DOCK3: variants seen among roughly 807,000 people sequenced by gnomAD.
DOCK3 encodes the protein dedicator of cytokinesis protein 3.
In DOCK3, 60 loss-of-function variants were observed where a neutral mutation model predicts 265.6. The observed-to-expected ratio is 0.23, with a 90% CI of 0.18 to 0.28. The LOEUF (loss-of-function observed/expected upper bound fraction) is 0.28. Among genes scored for constraint, DOCK3 ranks in the 10% least tolerant of loss-of-function variants. The pLI is 1.00. For missense variants in DOCK3, 1,981 were observed against 2,594.3 expected (o/e 0.76, Z 5.14); for synonymous variants, 881 against 938.0 (o/e 0.94, Z 1.11).
chr3:50,807,694 T>C (rs2043513174), intron 2 of DOCK3, among the ~76,000 whole-genome samples: 1 of 152,234 alleles, frequency 6.6e-6, no homozygotes. Context: ...TGCAGTAGAA[T>C]CTGTAGAAAA....
intron 27 of DOCK3, among the ~76,000 whole-genome samples, chr3:51,300,243 G>A (rs561052299): frequency 1.6e-4 from 25 of 152,136 alleles, no homozygotes; most frequent in Middle Eastern, 3.4e-3. Flanking sequence ...TGATTTTTGC[G>A]CATTGATTTT....
intron 25 of DOCK3, chr3:51,276,319 C>CACCTAAG: frequency 1.0e-5 from 10 of 978,618 alleles, no homozygotes; most frequent in Non-Finnish European, 1.2e-5. Context: ...CTCAGAGAAG[C>CACCTAAG]CACACCAAGC....
rs912685653 is a variant in DOCK3 at position 51,121,303 on chromosome 3, C to T, written c.747-25246C>T. 1.2e-4 allele frequency among the ~76,000 whole-genome samples: 19 copies of T among 152,258 alleles called. No homozygotes were observed. The East Asian group carries it at 3.3e-3, about 26-fold the overall frequency. ...GGCGATGCCCCACTCTGCTTCTGCTCGCCCTCCATGGGCTACACCCACTGT... is the reference window on the plus strand; with the variant it reads ...GGCGATGCCCCACTCTGCTTCTGCTTGCCCTCCATGGGCTACACCCACTGT... On this transcript the variant is annotated intron_variant, in intron 9 of 52. Coordinates refer to ENST00000266037, the MANE Select transcript of DOCK3 (RefSeq NM_004947.5).
At position 51,237,561 on chromosome 3, in the gene DOCK3, G is replaced by A; in HGVS notation, c.2073G>A (p.Gln691=). ...GACCTGTGATGGACACGTATATCCA[G>A]AAGCACTTTGCTGGAGCTCTGGCAT... ...HFRPVMDTYI[Q]KHFAGALAYK... is the part of the protein sequence containing the mutation. Residue 691 remains glutamine (Q), a synonymous_variant, in exon 21 of 53, where the codon CAG becomes CAA. Coordinates refer to ENST00000266037, the MANE Select transcript of DOCK3 (RefSeq NM_004947.5). The A allele has an allele frequency of 6.2e-7, 1 of 1,613,614 alleles. No individual in the cohort carries two copies. The highest frequency in any genetic ancestry group is 8.5e-7 in the Non-Finnish European group (1 of 1,179,782).
chr3:51,179,328 A>G (rs2087146443), intron 12 of DOCK3, among the ~76,000 whole-genome samples: 1 of 152,248 alleles, frequency 6.6e-6, no homozygotes, highest in Admixed American at 6.5e-5. Context: ...TCATCCTAAT[A>G]TCAAAAAAGT....
At chr3:50,827,384 T>A (rs1446476502) in intron 2 of DOCK3, among the ~76,000 whole-genome samples, 1 of 152,174 alleles carries the variant, frequency 6.6e-6, no homozygotes, top group Non-Finnish European at 1.5e-5. Context: ...GGTTCATAGA[T>A]GGCTGTCTTT....
At chr3:51,351,738 C>T (rs1167621564) in intron 40 of DOCK3, among the ~76,000 whole-genome samples, 1 of 149,934 alleles carries the variant, frequency 6.7e-6, no homozygotes, top group South Asian at 2.1e-4. Context: ...CTCACCGCAA[C>T]CTCCACCTCC....
chr3:50,784,984 C>G (rs963718863), intron 2 of DOCK3, among the ~76,000 whole-genome samples: 10 of 152,130 alleles, frequency 6.6e-5, no homozygotes, highest in African/African-American at 2.4e-4. Flanking sequence ...TGGTGAAACG[C>G]TGTCTCTACT....
chr3:50,974,814 A>C (rs1240109441), intron 5 of DOCK3, among the ~76,000 whole-genome samples: 3 of 143,678 alleles, frequency 2.1e-5, no homozygotes, highest in East Asian at 2.0e-4. Flanking sequence ...CTTTTATTTC[A>C]TTGAGCAGTG....
intron 5 of DOCK3, among the ~76,000 whole-genome samples, chr3:51,012,574 T>C (rs2078995432): frequency 1.3e-5 from 2 of 152,184 alleles, no homozygotes; most frequent in African/African-American, 4.8e-5. Flanking sequence ...GAAAGGGATT[T>C]CTCTGACCCC....
chr3:50,752,530 C>CAA (rs1420423788), intron 1 of DOCK3, among the ~76,000 whole-genome samples: 1 of 5,024 alleles, frequency 2.0e-4, no homozygotes, highest in African/African-American at 3.7e-4. Flanking sequence ...AAAACAAAAA[C>CAA]AACTGGGAGG....
intron 32 of DOCK3, among the ~76,000 whole-genome samples, chr3:51,322,376 T>G (rs572669458): frequency 5.3e-4 from 81 of 152,212 alleles, no homozygotes; most frequent in Non-Finnish European, 9.7e-4. Flanking sequence ...CTAATTTTTT[T>G]GTATTTTTAG....
chr3:51,285,633 A>C (rs1228347829), intron 27 of DOCK3, among the ~76,000 whole-genome samples: 1 of 151,852 alleles, frequency 6.6e-6, no homozygotes, highest in Non-Finnish European at 1.5e-5. Flanking sequence ...AAAAGAAAAG[A>C]AATTTTAAAA....
At chr3:50,767,139 T>A (rs982414227) in intron 1 of DOCK3, among the ~76,000 whole-genome samples, 22 of 152,168 alleles carry the variant, frequency 1.4e-4, no homozygotes, top group East Asian at 1.9e-4. Flanking sequence ...CCCATTTGTC[T>A]ATTTTGGCTT....
intron 2 of DOCK3, among the ~76,000 whole-genome samples, chr3:50,799,586 A>G (rs995889419): frequency 6.6e-6 from 1 of 152,108 alleles, no homozygotes; most frequent in Non-Finnish European, 1.5e-5. Flanking sequence ...GAATTAGTTT[A>G]TCAGTTCTAA....
intron 1 of DOCK3, chr3:50,719,593 G>A: frequency 6.8e-7 from 1 of 1,480,874 alleles, no homozygotes; most frequent in Non-Finnish European, 9.4e-7. Context: ...CCTTGCCAAA[G>A]ACCACATGCT....
chr3:50,750,748 G>A (rs1467311495), intron 1 of DOCK3, among the ~76,000 whole-genome samples: 1 of 152,162 alleles, frequency 6.6e-6, no homozygotes, highest in Admixed American at 6.6e-5. Context: ...GGCCAGTTTT[G>A]TGTGCTTTAA....
At chr3:50,961,819 A>G (rs1207040854) in intron 5 of DOCK3, among the ~76,000 whole-genome samples, 1 of 152,204 alleles carries the variant, frequency 6.6e-6, no homozygotes, top group Non-Finnish European at 1.5e-5. Flanking sequence ...TGGTCTTACT[A>G]AATCTCTGAT....
In DOCK3 at chr3:51,185,798, C is replaced by CT. The variant is rs373343332; in HGVS notation, c.1038-22968dup. Among the ~76,000 whole-genome samples the CT allele has an allele frequency of 2.0e-3, 304 of 151,994 alleles. 3 individuals are homozygous for CT. Among genetic ancestry groups the CT allele is most frequent in the African/African-American group, 6.7e-3 (278 of 41,462 alleles). On this transcript the variant is annotated intron_variant, in intron 12 of 52. Coordinates refer to ENST00000266037, the MANE Select transcript of DOCK3 (RefSeq NM_004947.5). ...AAAAGGGAACTTCTCTGCACAAGCCCTTTTTTTTGCTTGCTGCATACATGC... is the reference window on the plus strand; with the variant it reads ...AAAAGGGAACTTCTCTGCACAAGCCCTTTTTTTTTGCTTGCTGCATACATGC...
Sources: allele counts gnomAD v4.1 joint callset (sites outside exome capture counted in the v4.1 genomes callset), GRCh38; gene constraint gnomAD v4.1.1; transcripts MANE v1.5; gene names NCBI Gene and HGNC (gene_info 2026-07-23, HGNC 2026-07-21).